KAT6B: variants seen among roughly 807,000 people sequenced by gnomAD.
KAT6B encodes histone acetyltransferase KAT6B.
In KAT6B, 10 loss-of-function variants were observed where a neutral mutation model predicts 187.5. The observed-to-expected ratio is 0.05, with a 90% CI of 0.03 to 0.09. The LOEUF (loss-of-function observed/expected upper bound fraction) is 0.09, where lower values mean the gene tolerates loss of function less well. Ranked by LOEUF, KAT6B falls within the 10% of genes least tolerant of loss-of-function variation. KAT6B has a pLI of 1.00. For missense variants in KAT6B, 1,952 were observed against 2,558.9 expected (o/e 0.76, Z 5.12); for synonymous variants, 861 against 926.8 (o/e 0.93, Z 1.29).
At chr10:74,840,112 C>T (rs764885555) in intron 2 of KAT6B, among the ~76,000 whole-genome samples, 1 of 152,240 alleles carries the variant, frequency 6.6e-6, no homozygotes, top group South Asian at 2.1e-4. Flanking sequence ...GAAAAAAGAT[C>T]TGGGATTTTT....
intron 13 of KAT6B, among the ~76,000 whole-genome samples, chr10:75,001,017 A>G (rs949923646): frequency 6.6e-6 from 1 of 152,068 alleles, no homozygotes; most frequent in African/African-American, 2.4e-5. Flanking sequence ...GCGTCCTTCT[A>G]CATGTCCCCT....
intron 13 of KAT6B, among the ~76,000 whole-genome samples, chr10:74,998,378 TTC>T (rs911709799): frequency 8.5e-5 from 13 of 152,160 alleles, no homozygotes; most frequent in African/African-American, 3.1e-4. Flanking sequence ...AATAGTGGAC[TTC>T]TCTTTTTGCC....
chr10:74,878,377 G>T (rs1316811569), intron 3 of KAT6B, among the ~76,000 whole-genome samples: 1 of 152,066 alleles, frequency 6.6e-6, no homozygotes, highest in African/African-American at 2.4e-5. Flanking sequence ...CGGGCTGACT[G>T]GGTTTGGGGT....
intron 13 of KAT6B, among the ~76,000 whole-genome samples, chr10:75,002,774 C>T (rs1473450377): frequency 6.6e-6 from 1 of 152,192 alleles, no homozygotes; most frequent in Non-Finnish European, 1.5e-5. Context: ...TGTGGTCCAT[C>T]GTTGACCTAA....
intron 3 of KAT6B, among the ~76,000 whole-genome samples, chr10:74,871,754 C>T (rs1430463087): frequency 1.3e-5 from 2 of 152,150 alleles, no homozygotes; most frequent in East Asian, 3.9e-4. Context: ...TATGGTTTAG[C>T]ATGCCAGAAC....
chr10:74,861,136 CA>C (rs753772395), intron 3 of KAT6B, among the ~76,000 whole-genome samples: 96 of 127,258 alleles, frequency 7.5e-4, no homozygotes, highest in South Asian at 1.0e-3. Context: ...ACCTCCGTCT[CA>C]AAAAAAAAAA....
At chr10:75,009,873 T>C (rs1844477033) in intron 13 of KAT6B, among the ~76,000 whole-genome samples, 1 of 152,158 alleles carries the variant, frequency 6.6e-6, no homozygotes, top group African/African-American at 2.4e-5. Context: ...TGGTGGTGCA[T>C]GCCTGTAATC....
In KAT6B at chr10:74,910,523, A is replaced by G. The variant is rs181123748; in HGVS notation, c.622-49447A>G. ...TTCACTGTGGGCACCCACAAATAAT[A>G]TGTTTAATTTTTTTTCTAAACCTTT... On this transcript the variant is annotated intron_variant, in intron 3 of 17. Transcript: ENST00000287239. 7.9e-5 allele frequency among the ~76,000 whole-genome samples: 12 copies of G among 151,970 alleles called. No individual in the cohort carries two copies. In the East Asian group the frequency reaches 2.1e-3, roughly 27 times the overall value.
intron 3 of KAT6B, among the ~76,000 whole-genome samples, chr10:74,901,110 T>A (rs985370034): frequency 2.6e-5 from 4 of 152,198 alleles, no homozygotes; most frequent in Admixed American, 1.3e-4. Context: ...ACCATGACCC[T>A]CTACTTGGAT....
chr10:74,945,120 G>A (rs1839854652), intron 3 of KAT6B, among the ~76,000 whole-genome samples: 1 of 152,176 alleles, frequency 6.6e-6, no homozygotes, highest in African/African-American at 2.4e-5. Flanking sequence ...AAAGAACTCA[G>A]ATGTCTGTCA....
At chr10:74,992,227 G>T (rs903855224) in intron 13 of KAT6B, among the ~76,000 whole-genome samples, 13 of 152,136 alleles carry the variant, frequency 8.5e-5, no homozygotes, top group Admixed American at 7.2e-4. Context: ...CACGATACGA[G>T]CAGGGAGAAA....
At chr10:74,877,842 A>G (rs1387808161) in intron 3 of KAT6B, among the ~76,000 whole-genome samples, 2 of 152,080 alleles carry the variant, frequency 1.3e-5, no homozygotes, top group African/African-American at 2.4e-5. Flanking sequence ...TTCTAATCCT[A>G]TGTTATCATC....
chr10:74,956,755 A>G (rs1351863843), intron 3 of KAT6B, among the ~76,000 whole-genome samples: 2 of 152,252 alleles, frequency 1.3e-5, no homozygotes, highest in Non-Finnish European at 2.9e-5. Context: ...GAGATAGTGC[A>G]GGAGCAGCCT....
chr10:74,972,778 C>A, intron 7 of KAT6B, 139 bp downstream of exon 7: 1 of 836,994 alleles, frequency 1.2e-6, no homozygotes, highest in Non-Finnish European at 1.9e-6. Flanking sequence ...TTTCCTTTTG[C>A]ATAAGCTGTG....
chr10:74,870,582 T>G (rs1403866957), intron 3 of KAT6B, among the ~76,000 whole-genome samples: 1 of 151,626 alleles, frequency 6.6e-6, no homozygotes, highest in African/African-American at 2.4e-5. Flanking sequence ...ATTGAAAGAG[T>G]TTTTTTTTCT....
At chr10:74,850,216 T>TAA (rs1429771508) in intron 3 of KAT6B, among the ~76,000 whole-genome samples, 1 of 152,198 alleles carries the variant, frequency 6.6e-6, no homozygotes, top group African/African-American at 2.4e-5. Context: ...TTATTAACAG[T>TAA]AAAAGTATCT....
intron 3 of KAT6B, among the ~76,000 whole-genome samples, chr10:74,946,734 A>G (rs886963373): frequency 6.6e-6 from 1 of 152,162 alleles, no homozygotes; most frequent in South Asian, 2.1e-4. Flanking sequence ...AGGGAAGTGG[A>G]AAGGTATGAG....
At position 74,975,725 on chromosome 10, in the gene KAT6B, G is replaced by A. The variant is rs768128984; in HGVS notation, c.1388G>A (p.Arg463His). The A allele has an allele frequency of 1.7e-5, 27 of 1,614,060 alleles. No individual in the cohort carries two copies. Among genetic ancestry groups the A allele is most frequent in the South Asian group, 1.4e-4 (13 of 91,084 alleles). The change falls in exon 8 of 18, where the codon CGT becomes CAT. Residue 463 changes from arginine (R) to histidine (H), a missense_variant. Transcript: ENST00000287239. The part of the protein sequence containing the change: ...GEIIDFSKHY[R>H]PRKKVSQKQS... ...ATTATAGACTTTTCAAAGCACTATC[G>A]TCCAAGGAAAAAGGTCTCTCAGAAA... is the stretch of plus-strand genomic sequence containing the variant.
At chr10:75,028,353 T>C (rs954464290) in intron 17 of KAT6B, 136 bp from the exon 18 acceptor site, 9 of 1,283,440 alleles carry the variant, frequency 7.0e-6, no homozygotes, top group Admixed American at 3.5e-5. Context: ...CTTGATTATG[T>C]CTTTACCATC....
Sources: allele counts gnomAD v4.1 joint callset (sites outside exome capture counted in the v4.1 genomes callset), GRCh38; gene constraint gnomAD v4.1.1; transcripts MANE v1.5; gene names NCBI Gene and HGNC (gene_info 2026-07-23, HGNC 2026-07-21).